Variants in CCDC38 observed in about 807,000 individuals in gnomAD.
CCDC38 encodes the protein coiled-coil domain-containing protein 38.
Under a neutral mutation model 72.8 loss-of-function variants are expected in CCDC38, and 69 were observed. The ratio of observed to expected loss-of-function variants is 0.95; its 90% CI spans 0.78 to 1.16. The LOEUF (loss-of-function observed/expected upper bound fraction) is 1.16, where lower values mean the gene tolerates loss of function less well. CCDC38 is among the 50% of genes most tolerant of loss of function. The pLI, the probability that CCDC38 is intolerant of heterozygous loss-of-function variation, is 0.00. For synonymous variants in CCDC38, 201 were observed against 213.2 expected, an observed-to-expected ratio of 0.94 and a Z score of 0.50; for missense variants, 626 against 638.9, an observed-to-expected ratio of 0.98 and a Z score of 0.22.
At chr12:95,926,578 C>T (rs190235722) in intron 2 of CCDC38, among the ~76,000 whole-genome samples, 3,137 of 151,544 alleles carry the variant, frequency 0.021, 100 homozygotes, top group African/African-American at 0.072. Flanking sequence ...TCTTGCCTTC[C>T]GCTAGCTTAT....
intron 14 of CCDC38, among the ~76,000 whole-genome samples, chr12:95,870,455 A>G (rs1399503582): frequency 6.6e-6 from 1 of 152,250 alleles, no homozygotes; most frequent in Non-Finnish European, 1.5e-5. Flanking sequence ...GGGAATGGAA[A>G]TAACATGTAC....
chr12:95,929,066 C>T (rs1397779335), intron 2 of CCDC38, among the ~76,000 whole-genome samples: 1 of 152,194 alleles, frequency 6.6e-6, no homozygotes, highest in Non-Finnish European at 1.5e-5. Context: ...GTGGGCTCCA[C>T]CCAGTTCGAG....
Position 95,903,353 on chromosome 12 carries a change from T to A in CCDC38, c.369+3034A>T, listed in dbSNP as rs1391669286. 4 of 683,488 alleles carry A rather than the reference T, an allele frequency of 5.9e-6. No individual in the cohort carries two copies. The Admixed American group carries it at 8.4e-5, about 14-fold the overall frequency. 42.3% of individuals were successfully genotyped at this position (683,488 alleles called of 1,614,324 possible). The stretch of plus-strand genomic sequence containing the variant: ...TGTAAATAAAGACAGCTTTAATTCT[T>A]CATTTCCAATCTAAATGTCTTTCAT... On this transcript the variant is annotated intron_variant, in intron 5 of 15. Coordinates refer to ENST00000344280, the MANE Select transcript of CCDC38 (RefSeq NM_182496.3).
At chr12:95,916,424 C>CCTTCCTTCCTT (rs2080146030) in intron 4 of CCDC38, among the ~76,000 whole-genome samples, 1 of 148,892 alleles carries the variant, frequency 6.7e-6, no homozygotes, top group African/African-American at 2.5e-5. Flanking sequence ...TTCCTTTTTT[C>CCTTCCTTCCTT]CCTTCTTATT....
chr12:95,896,511 C>T (rs570924282), intron 7 of CCDC38: 1 of 152,362 alleles, frequency 6.6e-6, no homozygotes, highest in South Asian at 2.1e-4. Context: ...AGCCCTGGTG[C>T]AAGAGTGATA....
intron 4 of CCDC38, among the ~76,000 whole-genome samples, chr12:95,907,631 C>T (rs1192895774): frequency 1.7e-5 from 2 of 119,074 alleles, no homozygotes; most frequent in Non-Finnish European, 3.8e-5. Flanking sequence ...GGAGACGCTC[C>T]TCACTTCCCA....
chr12:95,916,913 A>C (rs1389934830), intron 4 of CCDC38, among the ~76,000 whole-genome samples: 2 of 152,106 alleles, frequency 1.3e-5, no homozygotes, highest in Non-Finnish European at 2.9e-5. Flanking sequence ...TCCTCCTGGG[A>C]GGACGGTTAT....
intron 3 of CCDC38, among the ~76,000 whole-genome samples, chr12:95,917,834 G>A (rs556544418): frequency 3.4e-5 from 5 of 144,934 alleles, no homozygotes; most frequent in Non-Finnish European, 4.5e-5. Context: ...TCACACCACC[G>A]CACTCCAGCC....
Position 95,872,398 on chromosome 12 carries a change from A to G in CCDC38, c.1341T>C (p.Asp447=), listed in dbSNP as rs1211608547. The change falls in exon 14 of 16, where the codon GAT becomes GAC. Residue 447 remains aspartate (D), a synonymous_variant. Transcript: ENST00000344280. Reference sequence around the variant, plus strand: ...TTGGGTTGAGGCCGTCATCCTCAGCATCTCCAATGCAGACTTTGTATACTT... The same window carrying G: ...TTGGGTTGAGGCCGTCATCCTCAGCGTCTCCAATGCAGACTTTGTATACTT... ...ITQVYKVCIG[D]AEDDGLNPIQ... is the part of the protein sequence containing the mutation. 3 of 1,614,052 alleles carry G rather than the reference A, an allele frequency of 1.9e-6. No individual in the cohort carries two copies. Among genetic ancestry groups the G allele is most frequent in the Admixed American group, 1.7e-5 (1 of 60,006 alleles).
intron 15 of CCDC38, among the ~76,000 whole-genome samples, chr12:95,868,115 T>A (rs936202857): frequency 6.6e-6 from 1 of 152,198 alleles, no homozygotes; most frequent in African/African-American, 2.4e-5. Flanking sequence ...TCTGAGAAAA[T>A]TAGCAATGAT....
At chr12:95,903,294 T>C in intron 5 of CCDC38, 1 of 552,380 alleles carries the variant, frequency 1.8e-6, no homozygotes, top group Non-Finnish European at 3.2e-6. Context: ...AAAATAGATT[T>C]CTTCAGATTT....
intron 9 of CCDC38, among the ~76,000 whole-genome samples, chr12:95,889,869 A>AT (rs2079803839): frequency 1.3e-5 from 2 of 151,814 alleles, no homozygotes; most frequent in South Asian, 2.1e-4. Flanking sequence ...AGAAATACAG[A>AT]TTTTTTTCAT....
intron 3 of CCDC38, among the ~76,000 whole-genome samples, chr12:95,918,408 C>T (rs1227725524): frequency 2.0e-5 from 3 of 152,206 alleles, no homozygotes; most frequent in Non-Finnish European, 4.4e-5. Flanking sequence ...TTTCCATCTT[C>T]TCATCAACAA....
rs747795233 is a variant in CCDC38, at chr12:95,906,367, A to G, written c.369+20T>C. 2 of 1,563,336 alleles carry G rather than the reference A, an allele frequency of 1.3e-6. No homozygotes were observed. Among genetic ancestry groups the G allele is most frequent in the Non-Finnish European group, 1.8e-6 (2 of 1,136,234 alleles). The stretch of plus-strand genomic sequence containing the variant: ...AAGAAGTCTTCCACTTGGCTAGGGG[A>G]GAAAAGTTATTTTTACTACCTCGAG... On this transcript the variant is annotated intron_variant, in intron 5 of 15. Coordinates refer to ENST00000344280, the MANE Select transcript of CCDC38 (RefSeq NM_182496.3).
At chr12:95,900,878 A>G (rs1369101723) in intron 5 of CCDC38, among the ~76,000 whole-genome samples, 1 of 152,186 alleles carries the variant, frequency 6.6e-6, no homozygotes, top group African/African-American at 2.4e-5. Flanking sequence ...TCAGGATTTC[A>G]GTGTTTGGGA....
chr12:95,900,963 G>T (rs1028524368), intron 5 of CCDC38, among the ~76,000 whole-genome samples: 1 of 152,250 alleles, frequency 6.6e-6, no homozygotes. Context: ...GTAAGCTGGG[G>T]ACCAGATCAA....
At chr12:95,917,040 T>A (rs1471063914) in intron 4 of CCDC38, 89 bp downstream of exon 4, 1 of 973,342 alleles carries the variant, frequency 1.0e-6, no homozygotes, top group Non-Finnish European at 1.5e-6. Context: ...GCATACTGTC[T>A]GTTTTAATCA....
chr12:95,941,334 C>T (rs34792967), intron 1 of CCDC38, among the ~76,000 whole-genome samples: 12,836 of 152,182 alleles, frequency 0.084, 710 homozygotes, highest in Non-Finnish European at 0.13. Context: ...TTAAAACACA[C>T]GAATAATAGT....
chr12:95,882,736 A>G (rs1313974491), intron 10 of CCDC38, among the ~76,000 whole-genome samples: 3 of 151,938 alleles, frequency 2.0e-5, no homozygotes, highest in Non-Finnish European at 2.9e-5. Flanking sequence ...CCTTCTACCC[A>G]TTCTTTTGGG....
Sources: gnomAD v4.1 joint callset for allele counts (sites outside exome capture counted in the v4.1 genomes callset) on GRCh38, gnomAD v4.1.1 for gene constraint, MANE v1.5 for transcripts, NCBI Gene and HGNC (gene_info 2026-07-23, HGNC 2026-07-21) for gene names.